Variants in GPR137B observed in about 807,000 individuals in gnomAD.
GPR137B encodes G protein-coupled receptor 137B.
In GPR137B, 42 loss-of-function variants were observed where a neutral mutation model predicts 42.5. The observed-to-expected ratio is 0.99, with a 90% CI of 0.77 to 1.28. The LOEUF (loss-of-function observed/expected upper bound fraction) is 1.28. Ranked by LOEUF, GPR137B falls within the 50% of genes most tolerant of loss-of-function variation. The pLI, the probability that GPR137B is intolerant of heterozygous loss-of-function variation, is 0.00. For missense variants in GPR137B, 487 were observed against 493.9 expected (o/e 0.99, Z 0.13); for synonymous variants, 218 against 209.7 (o/e 1.04, Z -0.34).
intron 2 of GPR137B, among the ~76,000 whole-genome samples, chr1:236,176,571 A>G (rs923048708): frequency 9.8e-5 from 15 of 152,294 alleles, no homozygotes; most frequent in Middle Eastern, 3.4e-3. Context: ...AGGGCTGTGC[A>G]GGGAGAAGCC....
chr1:236,167,991 C>T (rs1464950079), intron 1 of GPR137B, among the ~76,000 whole-genome samples: 1 of 152,160 alleles, frequency 6.6e-6, no homozygotes, highest in East Asian at 1.9e-4. Context: ...AGAAAACAGT[C>T]CAATTTGATA....
At chr1:236,148,777 G>A (rs1661752707) in intron 1 of GPR137B, among the ~76,000 whole-genome samples, 1 of 152,132 alleles carries the variant, frequency 6.6e-6, no homozygotes, top group Non-Finnish European at 1.5e-5. Flanking sequence ...CATAGTCGGT[G>A]TTGGGAGCTC....
At position 236,189,575 on chromosome 1, in the gene GPR137B, C is replaced by T. The variant is rs183976027; in HGVS notation, c.966+5669C>T. Among the ~76,000 whole-genome samples the T allele has an allele frequency of 5.1e-3, 784 of 152,272 alleles. 11 individuals carry two copies. Among genetic ancestry groups the T allele is most frequent in the African/African-American group, 0.018 (758 of 41,542 alleles). On this transcript the variant is annotated intron_variant, in intron 5 of 6. Coordinates refer to ENST00000366592, the MANE Select transcript of GPR137B (RefSeq NM_003272.4). ...ATTTCTGCCTTAATTTTCTTACTTA[C>T]CCAGTAGTCATTCAGGAGCAGGTTA...
chr1:236,157,409 G>T (rs542192004), intron 1 of GPR137B, among the ~76,000 whole-genome samples: 1 of 152,184 alleles, frequency 6.6e-6, no homozygotes, highest in African/African-American at 2.4e-5. Context: ...ATTTTTAGTA[G>T]AGACAGGGTT....
rs58909005 is a variant in GPR137B at position 236,148,693 on chromosome 1, G to A, written c.414+5657G>A. 4.3e-3 allele frequency among the ~76,000 whole-genome samples: 655 copies of A among 152,304 alleles called. 9 individuals carry two copies. Among genetic ancestry groups the A allele is most frequent in the African/African-American group, 0.015 (622 of 41,562 alleles). ...CCTCCACTCAGCTGCAGCAGGGATG[G>A]TTCGTGAGTCATGTGGTCCTGTGGG... On this transcript the variant is annotated intron_variant, in intron 1 of 6. Coordinates refer to ENST00000366592, the MANE Select transcript of GPR137B (RefSeq NM_003272.4).
intron 1 of GPR137B, among the ~76,000 whole-genome samples, chr1:236,152,773 T>G (rs1054590492): frequency 4.0e-5 from 6 of 150,392 alleles, no homozygotes; most frequent in Admixed American, 4.0e-4. Context: ...AAACAATGTA[T>G]TGGGCTAGGT....
chr1:236,205,249 G>A lies in GPR137B; in HGVS notation c.1090G>A (p.Gly364Ser), dbSNP rs1467925995. ...CATTGCCCCTCAGGGACTTCAGGGA[G>A]GGTAAGACCCTACTTCATGTTAGAC... The part of the protein sequence containing the change: ...WNIAPQGLQG[G>S]FAPDYYDWGQ... Residue 364 changes from glycine (G) to serine (S), a missense_variant and splice_region_variant, in exon 6 of 7, where the codon GGT becomes AGT. Physicochemically the swap from Gly to Ser is moderately conservative, Grantham distance 56 (BLOSUM62 0). Transcript: ENST00000366592. The A allele has an allele frequency of 1.9e-6, 3 of 1,611,288 alleles. No homozygotes were observed. The highest frequency in any genetic ancestry group is 2.2e-5 in the East Asian group (1 of 44,836).
intron 1 of GPR137B, among the ~76,000 whole-genome samples, chr1:236,158,714 C>T (rs948713803): frequency 2.0e-5 from 3 of 152,108 alleles, no homozygotes; most frequent in African/African-American, 7.2e-5. Context: ...GAGTCTCAGC[C>T]CACAGGCAGC....
intron 1 of GPR137B, among the ~76,000 whole-genome samples, chr1:236,159,356 T>C (rs1338474797): frequency 6.6e-6 from 1 of 152,016 alleles, no homozygotes; most frequent in Non-Finnish European, 1.5e-5. Context: ...ACAGCAAATG[T>C]CAACTTGAGT....
chr1:236,149,721 G>C (rs896356108), intron 1 of GPR137B, among the ~76,000 whole-genome samples: 1 of 152,264 alleles, frequency 6.6e-6, no homozygotes, highest in Non-Finnish European at 1.5e-5. Flanking sequence ...CGGGCCAAGG[G>C]CAAGGACTGT....
At chr1:236,206,428 A>G (rs1663664642) in intron 6 of GPR137B, among the ~76,000 whole-genome samples, 2 of 152,198 alleles carry the variant, frequency 1.3e-5, no homozygotes, top group African/African-American at 4.8e-5. Flanking sequence ...CGCTTATGTT[A>G]TACTTTCACG....
rs77715945 is a variant in GPR137B, at chr1:236,155,648, C to T, written c.414+12612C>T. Among the ~76,000 whole-genome samples the T allele has an allele frequency of 0.026, 3,911 of 152,020 alleles. 108 individuals carry two copies. The highest frequency in any genetic ancestry group is 0.11 in the East Asian group (556 of 5,104). On this transcript the variant is annotated intron_variant, in intron 1 of 6. Transcript: ENST00000366592. This position sits in a 1 kb window ranked among gnomAD's most constrained non-coding sequence, Gnocchi z 4.6. ...CTGGGTGGCCAGCCTGTGTTGGCGC[C>T]GTTGGATGGAGTGAAGCTCAGTTTA...
intron 2 of GPR137B, among the ~76,000 whole-genome samples, chr1:236,174,267 T>C (rs890129040): frequency 1.1e-4 from 16 of 152,174 alleles, no homozygotes; most frequent in Non-Finnish European, 7.3e-5. Flanking sequence ...CTAAAGGCTC[T>C]GAGAATAGGA....
chr1:236,153,275 A>C (rs1885018), intron 1 of GPR137B, among the ~76,000 whole-genome samples: 37,114 of 151,912 alleles, frequency 0.24, 5,217 homozygotes, highest in East Asian at 0.42. Context: ...AGCAATCACT[A>C]CTCAGTCCCT....
At chr1:236,144,160 C>T (rs567918367) in intron 1 of GPR137B, among the ~76,000 whole-genome samples, 1 of 151,848 alleles carries the variant, frequency 6.6e-6, no homozygotes, top group African/African-American at 2.4e-5. Flanking sequence ...GCATGCCTGT[C>T]ATCCCAGCAT....
intron 4 of GPR137B, among the ~76,000 whole-genome samples, chr1:236,183,577 A>G (rs1662941554): frequency 6.6e-6 from 1 of 152,230 alleles, no homozygotes. Context: ...CAATGTGCAT[A>G]TTTTAGGAGA....
At chr1:236,186,280 A>ATATAATATATATTATATATTAT in intron 5 of GPR137B, among the ~76,000 whole-genome samples, 1 of 85,630 alleles carries the variant, frequency 1.2e-5, no homozygotes, top group African/African-American at 4.9e-5. Flanking sequence ...TATATATAAT[A>ATATAATATATATTATATATTAT]ATATAAATAA....
chr1:236,179,093 G>T (rs539811081), intron 3 of GPR137B, among the ~76,000 whole-genome samples: 5 of 151,752 alleles, frequency 3.3e-5, no homozygotes, highest in Non-Finnish European at 7.4e-5. Context: ...CACCGCGCCC[G>T]CACTACTCAA....
intron 6 of GPR137B, among the ~76,000 whole-genome samples, chr1:236,206,397 C>G (rs771246594): frequency 1.3e-5 from 2 of 152,110 alleles, no homozygotes; most frequent in Non-Finnish European, 2.9e-5. Flanking sequence ...ATATAAGTAC[C>G]CTGTCTCTTA....
Sources: gnomAD v4.1 joint callset for allele counts (sites outside exome capture counted in the v4.1 genomes callset) on GRCh38, gnomAD v4.1.1 for gene constraint, Gnocchi (gnomAD v3.1) non-coding constraint, MANE v1.5 for transcripts, NCBI Gene and HGNC (gene_info 2026-07-23, HGNC 2026-07-21) for gene names.